The following CACNA2D3 variants were observed in gnomAD, a reference collection of about 807,000 sequenced individuals.
CACNA2D3 encodes the protein calcium voltage-gated channel auxiliary subunit alpha2delta 3.
In CACNA2D3, 60 loss-of-function variants were observed where a neutral mutation model predicts 160.6. The ratio of observed to expected loss-of-function variants is 0.37; its 90% confidence interval spans 0.30 to 0.46. The LOEUF (loss-of-function observed/expected upper bound fraction) is 0.46, where lower values mean the gene tolerates loss of function less well. Ranked by LOEUF, CACNA2D3 falls within the 20% of genes least tolerant of loss-of-function variation. The probability of loss-of-function intolerance (pLI) is 1.00; values close to 1 mark genes in which losing one functional copy is unlikely to be tolerated. For missense variants in CACNA2D3, 1,205 were observed against 1,365.0 expected (o/e 0.88, Z 1.85); for synonymous variants, 558 against 492.9 (o/e 1.13, Z -1.75).
chr3:54,219,428 C>T (rs1459698798), intron 2 of CACNA2D3, among the ~76,000 whole-genome samples: 7 of 152,098 alleles, frequency 4.6e-5, no homozygotes, highest in Non-Finnish European at 2.9e-5. Flanking sequence ...CTAGGGACTG[C>T]CATCTCATGT....
chr3:54,243,918 T>C (rs1336805996), intron 2 of CACNA2D3, among the ~76,000 whole-genome samples: 4 of 152,214 alleles, frequency 2.6e-5, no homozygotes, highest in Non-Finnish European at 5.9e-5. Flanking sequence ...CTGCAGACCC[T>C]TTCTGAATTG....
At chr3:54,327,132 G>A (rs1029899209) in intron 3 of CACNA2D3, among the ~76,000 whole-genome samples, 4 of 152,172 alleles carry the variant, frequency 2.6e-5, no homozygotes, top group East Asian at 3.9e-4. Flanking sequence ...CGTGGTCCTC[G>A]TGGGTTTCAC....
At chr3:54,617,292 C>A (rs1422323392) in intron 9 of CACNA2D3, among the ~76,000 whole-genome samples, 1 of 152,172 alleles carries the variant, frequency 6.6e-6, no homozygotes, top group Non-Finnish European at 1.5e-5. Context: ...GTCGACTGTT[C>A]TTATCTGTCC....
intron 2 of CACNA2D3, among the ~76,000 whole-genome samples, chr3:54,205,723 T>G (rs1010908629): frequency 1.1e-4 from 16 of 152,042 alleles, no homozygotes; most frequent in African/African-American, 3.9e-4. Context: ...TTGAAAGTAG[T>G]CCCTCTGGGG....
intron 11 of CACNA2D3, among the ~76,000 whole-genome samples, chr3:54,685,598 C>A (rs1575422539): frequency 2.0e-5 from 3 of 152,200 alleles, no homozygotes; most frequent in African/African-American, 7.2e-5. Context: ...CCTGCTGTTG[C>A]TCTTGACTAG....
chr3:54,656,093 G>A (rs572102775), intron 11 of CACNA2D3, among the ~76,000 whole-genome samples: 1 of 152,180 alleles, frequency 6.6e-6, no homozygotes, highest in Non-Finnish European at 1.5e-5. Context: ...CAATGGAGAA[G>A]ATTATGGTCC....
intron 16 of CACNA2D3, 58 bp downstream of exon 16, chr3:54,838,706 T>C (rs2106759634): frequency 8.5e-6 from 11 of 1,297,806 alleles, no homozygotes; most frequent in Middle Eastern, 3.7e-4. Context: ...AGCCTTGTTT[T>C]CACAAAGTTC....
chr3:54,154,419 T>C (rs28479871), intron 2 of CACNA2D3, among the ~76,000 whole-genome samples: 26,116 of 152,160 alleles, frequency 0.17, 2,314 homozygotes, highest in South Asian at 0.23. Context: ...TGGAGTTACA[T>C]TTGAATCCAG....
intron 35 of CACNA2D3, among the ~76,000 whole-genome samples, chr3:55,024,243 G>A (rs746839658): frequency 1.3e-5 from 2 of 150,598 alleles, no homozygotes; most frequent in Admixed American, 1.3e-4. Context: ...TGATTTGGGG[G>A]ATTATAATAG....
intron 17 of CACNA2D3, among the ~76,000 whole-genome samples, chr3:54,871,043 TACACACACACAC>T (rs58370850): frequency 0.089 from 12,753 of 142,912 alleles, 631 homozygotes; most frequent in Non-Finnish European, 0.12. Flanking sequence ...AGCTTTGGGA[TACACACACACAC>T]ACACACACAC....
At position 54,467,201 on chromosome 3, in the gene CACNA2D3, T is replaced by C. The variant is rs2106863042; in HGVS notation, c.382-36291T>C. ...AAGTTCAAAGCAAAGCATCAAATGCTGTCTGAATGTGAGTCTAACCAACTG... is the reference window on the plus strand; with the variant it reads ...AAGTTCAAAGCAAAGCATCAAATGCCGTCTGAATGTGAGTCTAACCAACTG... On this transcript the variant is annotated intron_variant, in intron 4 of 37. Coordinates refer to ENST00000474759, the MANE Select transcript of CACNA2D3 (RefSeq NM_018398.3). Among the ~76,000 whole-genome samples, 3 of 152,338 alleles carry C rather than the reference T, an allele frequency of 2.0e-5. No individual in the cohort carries two copies. The South Asian group carries it at 6.2e-4, about 32-fold the overall frequency.
intron 5 of CACNA2D3, among the ~76,000 whole-genome samples, chr3:54,536,807 AAGCCT>A (rs897658903): frequency 6.6e-6 from 1 of 152,192 alleles, no homozygotes; most frequent in African/African-American, 2.4e-5. Context: ...AGAATAGCTG[AAGCCT>A]ATTCTCTTGC....
intron 35 of CACNA2D3, among the ~76,000 whole-genome samples, chr3:55,058,361 A>G (rs373946519): frequency 5.9e-5 from 9 of 152,360 alleles, no homozygotes; most frequent in Middle Eastern, 3.4e-3. Context: ...TCAAGCTCCA[A>G]TTGTAGATCA....
intron 4 of CACNA2D3, among the ~76,000 whole-genome samples, chr3:54,431,318 A>G (rs1462118766): frequency 6.7e-6 from 1 of 148,910 alleles, no homozygotes; most frequent in Non-Finnish European, 1.5e-5. Flanking sequence ...ACAGAGTGAG[A>G]CTCCGTCTCA....
intron 2 of CACNA2D3, among the ~76,000 whole-genome samples, chr3:54,159,469 TATC>T (rs145063193): frequency 0.015 from 2,316 of 152,314 alleles, 16 homozygotes; most frequent in African/African-American, 0.028. Context: ...TAAATTTTAA[TATC>T]ATAAGAAATT....
intron 2 of CACNA2D3, among the ~76,000 whole-genome samples, chr3:54,206,564 C>T (rs755934849): frequency 6.6e-6 from 1 of 152,246 alleles, no homozygotes; most frequent in Non-Finnish European, 1.5e-5. Context: ...AACCCTGCCG[C>T]GACCCAACCT....
intron 9 of CACNA2D3, chr3:54,626,118 G>A (rs1575390435): frequency 3.3e-6 from 2 of 614,784 alleles, no homozygotes; most frequent in East Asian, 5.5e-5. Context: ...GATGCCTTTG[G>A]GGAGAAAATA....
chr3:54,146,055 G>A (rs1352302240), intron 2 of CACNA2D3, among the ~76,000 whole-genome samples: 2 of 151,966 alleles, frequency 1.3e-5, no homozygotes, highest in Non-Finnish European at 2.9e-5. Context: ...TTCTATTATG[G>A]TTGTTATTGT....
At chr3:54,687,543 C>T (rs1428492468) in intron 11 of CACNA2D3, among the ~76,000 whole-genome samples, 2 of 152,116 alleles carry the variant, frequency 1.3e-5, no homozygotes, top group South Asian at 2.1e-4. Flanking sequence ...AATTGATCTT[C>T]TGAAAGCTAG....
Sources: allele counts gnomAD v4.1 joint callset (sites outside exome capture counted in the v4.1 genomes callset), GRCh38; gene constraint gnomAD v4.1.1; transcripts MANE v1.5; gene names NCBI Gene and HGNC (gene_info 2026-07-23, HGNC 2026-07-21).